EIPR1: variants seen among roughly 807,000 people sequenced by gnomAD.
EIPR1 encodes EARP and GARP complex-interacting protein 1.
Under a neutral mutation model 48.1 loss-of-function variants are expected in EIPR1, and 25 were observed. The observed-to-expected ratio is 0.52, with a 90% CI of 0.38 to 0.73. The LOEUF (loss-of-function observed/expected upper bound fraction) is 0.73. EIPR1 is among the 30% of genes least tolerant of loss of function. EIPR1 has a pLI of 0.00. For missense variants in EIPR1, 415 were observed against 506.2 expected, an observed-to-expected ratio of 0.82 and a Z score of 1.73; for synonymous variants, 204 against 201.9, an observed-to-expected ratio of 1.01 and a Z score of -0.09.
intron 4 of EIPR1, among the ~76,000 whole-genome samples, chr2:3,223,177 T>C (rs1665952626): frequency 6.6e-6 from 1 of 152,218 alleles, no homozygotes; most frequent in Non-Finnish European, 1.5e-5. Flanking sequence ...GCCTACTTCC[T>C]ATCACTTGGC....
chr2:3,357,852 T>C (rs1484074186), intron 1 of EIPR1, among the ~76,000 whole-genome samples: 1 of 152,142 alleles, frequency 6.6e-6, no homozygotes, highest in African/African-American at 2.4e-5. Context: ...CCTCTGAAAG[T>C]TAAAAAAGGT....
intron 3 of EIPR1, among the ~76,000 whole-genome samples, chr2:3,293,272 C>A (rs546391356): frequency 1.3e-5 from 2 of 152,330 alleles, no homozygotes; most frequent in Admixed American, 1.3e-4. Flanking sequence ...CCTTTCCTAG[C>A]AGGCTCAGGA....
chr2:3,311,635 G>T (rs528550931), intron 3 of EIPR1, among the ~76,000 whole-genome samples: 1 of 152,164 alleles, frequency 6.6e-6, no homozygotes, highest in Non-Finnish European at 1.5e-5. Context: ...ACCATCCCTC[G>T]TTCAGAATCA....
At chr2:3,236,108 A>C (rs1666396897) in intron 4 of EIPR1, among the ~76,000 whole-genome samples, 1 of 152,170 alleles carries the variant, frequency 6.6e-6, no homozygotes, top group Admixed American at 6.5e-5. Flanking sequence ...CTAGAAATGA[A>C]CAGTCACAGC....
chr2:3,294,850 A>G (rs545635557), intron 3 of EIPR1, among the ~76,000 whole-genome samples: 1 of 124,198 alleles, frequency 8.1e-6, no homozygotes, highest in East Asian at 2.6e-4. Flanking sequence ...CTCTCTCCAC[A>G]TACCCTCCAT....
intron 4 of EIPR1, among the ~76,000 whole-genome samples, chr2:3,224,818 C>T (rs1572324410): frequency 1.3e-5 from 2 of 152,160 alleles, no homozygotes; most frequent in South Asian, 2.1e-4. Flanking sequence ...CACAACCTGC[C>T]GGAACCCCTG....
intron 3 of EIPR1, among the ~76,000 whole-genome samples, chr2:3,295,656 G>A (rs112268922): frequency 5.1e-4 from 40 of 78,586 alleles, no homozygotes; most frequent in African/African-American, 1.2e-3. Context: ...CATCCAGCCC[G>A]TCCTCTCTAC....
At chr2:3,349,836 A>G (rs1315144719) in intron 2 of EIPR1, among the ~76,000 whole-genome samples, 3 of 152,172 alleles carry the variant, frequency 2.0e-5, no homozygotes, top group Non-Finnish European at 4.4e-5. Flanking sequence ...ATAAAGAACT[A>G]CCTGAGGCCA....
intron 2 of EIPR1, among the ~76,000 whole-genome samples, chr2:3,341,114 AAAAAAACAAAAC>A (rs1254422140): frequency 6.7e-6 from 1 of 148,886 alleles, no homozygotes; most frequent in African/African-American, 2.5e-5. Context: ...AAAAAAAAAA[AAAAAAACAAAAC>A]AAAACTCCAC....
At chr2:3,283,944 T>TAA (rs59593196) in intron 3 of EIPR1, among the ~76,000 whole-genome samples, 115 of 92,882 alleles carry the variant, frequency 1.2e-3, no homozygotes, top group Middle Eastern at 7.0e-3. Context: ...AGACTACATC[T>TAA]AAAAAAAAAA....
chr2:3,198,741 G>A (rs972893158), intron 5 of EIPR1, among the ~76,000 whole-genome samples: 20 of 152,132 alleles, frequency 1.3e-4, no homozygotes, highest in African/African-American at 4.8e-4. Flanking sequence ...AGGGGAGGGA[G>A]TGTACGAATA....
At chr2:3,284,586 C>T (rs1668119939) in intron 3 of EIPR1, among the ~76,000 whole-genome samples, 1 of 152,270 alleles carries the variant, frequency 6.6e-6, no homozygotes, top group Admixed American at 6.5e-5. Flanking sequence ...TGTGCCTGCA[C>T]TTTGCATTCT....
At chr2:3,247,403 A>G (rs1666867512) in intron 4 of EIPR1, among the ~76,000 whole-genome samples, 1 of 152,182 alleles carries the variant, frequency 6.6e-6, no homozygotes, top group African/African-American at 2.4e-5. Context: ...CCATAAAATT[A>G]CCCTGTTGTG....
chr2:3,296,418 C>T (rs553833665), intron 3 of EIPR1, among the ~76,000 whole-genome samples: 1 of 112,060 alleles, frequency 8.9e-6, no homozygotes, highest in East Asian at 3.4e-4. Flanking sequence ...CAGCTCACCC[C>T]CTCTGCAAAC....
intron 2 of EIPR1, among the ~76,000 whole-genome samples, chr2:3,349,423 G>A (rs535050999): frequency 1.3e-5 from 2 of 152,220 alleles, no homozygotes; most frequent in Non-Finnish European, 2.9e-5. Context: ...TACTGATCAC[G>A]GTGCCAGCAC....
At chr2:3,349,801 T>C (rs1269121059) in intron 2 of EIPR1, among the ~76,000 whole-genome samples, 2 of 151,946 alleles carry the variant, frequency 1.3e-5, no homozygotes, top group East Asian at 1.9e-4. Context: ...TGTGAGATGG[T>C]GTATTAGTCT....
At chr2:3,225,025 T>A (rs1402359796) in intron 4 of EIPR1, among the ~76,000 whole-genome samples, 6 of 152,214 alleles carry the variant, frequency 3.9e-5, no homozygotes, top group African/African-American at 1.4e-4. Flanking sequence ...TACTCCCTTG[T>A]AAACAGTTTA....
chr2:3,229,115 T>C (rs1666158724), intron 4 of EIPR1, among the ~76,000 whole-genome samples: 1 of 152,210 alleles, frequency 6.6e-6, no homozygotes. Flanking sequence ...ATCTTGCAGT[T>C]GTTGTCCAGT....
intron 3 of EIPR1, among the ~76,000 whole-genome samples, chr2:3,306,093 C>T (rs1485276717): frequency 1.3e-5 from 2 of 152,218 alleles, no homozygotes; most frequent in African/African-American, 4.8e-5. Context: ...AAAAACGAAA[C>T]TGGGGTGAGC....
Sources: allele counts gnomAD v4.1 joint callset (sites outside exome capture counted in the v4.1 genomes callset), GRCh38; gene constraint gnomAD v4.1.1; transcripts MANE v1.5; gene names NCBI Gene and HGNC (gene_info 2026-07-23, HGNC 2026-07-21).